Variants in NCF4 observed in about 807,000 individuals in gnomAD.
NCF4 encodes neutrophil cytosolic factor 4, also known as neutrophil cytosol factor 4.
Under a neutral mutation model 41.7 loss-of-function variants are expected in NCF4, and 30 were observed. The observed-to-expected ratio is 0.72, with a 90% CI of 0.54 to 0.97. The LOEUF is 0.97. Among genes scored for constraint, NCF4 ranks in the 50% least tolerant of loss-of-function variants. NCF4 has a pLI of 0.00. For synonymous variants in NCF4, 195 were observed against 175.8 expected, an observed-to-expected ratio of 1.11 and a Z score of -0.87; for missense variants, 432 against 460.9, an observed-to-expected ratio of 0.94 and a Z score of 0.57.
At chr22:36,867,183 G>C (rs949632499) in intron 3 of NCF4, among the ~76,000 whole-genome samples, 1 of 149,604 alleles carries the variant, frequency 6.7e-6, no homozygotes, top group Non-Finnish European at 1.5e-5. Flanking sequence ...AGTAAGACAA[G>C]AAAAATATCA....
intron 5 of NCF4, among the ~76,000 whole-genome samples, chr22:36,871,404 T>C (rs1940051633): frequency 6.6e-6 from 1 of 152,204 alleles, no homozygotes; most frequent in Non-Finnish European, 1.5e-5. Context: ...GTGTATCCCC[T>C]TCCCCACCTG....
intron 2 of NCF4, among the ~76,000 whole-genome samples, 200 bp from the exon 3 acceptor site, chr22:36,864,719 C>A (rs1230655565): frequency 6.6e-6 from 1 of 150,508 alleles, no homozygotes; most frequent in Non-Finnish European, 1.5e-5. Flanking sequence ...TTTTTCTTTT[C>A]TTTTCTTTTT....
intron 2 of NCF4, 49 bp downstream of exon 2, chr22:36,864,178 C>T (rs1250492333): frequency 6.8e-7 from 1 of 1,469,688 alleles, no homozygotes. Flanking sequence ...AACTTCCACC[C>T]AGCTGACCTC....
Position 36,867,454 on chromosome 22 carries a change from T to C in NCF4, c.334T>C (p.Tyr112His), listed in dbSNP as rs747202725. 6.2e-7 allele frequency: 1 copy of C among 1,614,140 alleles called. No homozygotes were observed. The highest frequency in any genetic ancestry group is 8.5e-7 in the Non-Finnish European group (1 of 1,179,998). Reference sequence around the variant, plus strand: ...GATGCGGATACCTGCCCTCAACGCCTACATGAAGGTACCAGTGGGCCTTGC... The same window carrying C: ...GATGCGGATACCTGCCCTCAACGCCCACATGAAGGTACCAGTGGGCCTTGC... ...AEMRIPALNA[Y>H]MKSLLSLPVW... The change falls in exon 4 of 10, where the codon TAC (tyrosine) becomes CAC (histidine). Residue 112 changes from tyrosine to histidine, a missense_variant. Coordinates refer to ENST00000248899, the MANE Select transcript of NCF4 (RefSeq NM_000631.5).
chr22:36,863,743 A>G (rs549268367), intron 1 of NCF4, among the ~76,000 whole-genome samples: 50 of 139,750 alleles, frequency 3.6e-4, no homozygotes, highest in African/African-American at 1.3e-3. Flanking sequence ...GTGTTAGACT[A>G]TAATTTGGCT....
intron 9 of NCF4, among the ~76,000 whole-genome samples, chr22:36,877,411 A>G (rs1363704888): frequency 6.6e-6 from 1 of 152,136 alleles, no homozygotes; most frequent in Admixed American, 6.5e-5. Context: ...TGCTGGAATT[A>G]TAAGCGTGAG....
At chr22:36,876,149 G>T in intron 9 of NCF4, 55 bp downstream of exon 9, 1 of 1,483,496 alleles carries the variant, frequency 6.7e-7, no homozygotes, top group African/African-American at 1.4e-5. Flanking sequence ...AGAGAGCGCA[G>T]GGAGAAATGT....
In NCF4 at chr22:36,865,114, T is replaced by C; in HGVS notation, c.271+42T>C. Reference sequence around the variant, plus strand: ...GTCCTGCTGCTGCAGAGCTGCTGACTCTCCTTCCTTCCAGGGCCCCTGACA... The same window carrying C: ...GTCCTGCTGCTGCAGAGCTGCTGACCCTCCTTCCTTCCAGGGCCCCTGACA... On this transcript the variant is annotated intron_variant, in intron 3 of 9. Coordinates refer to ENST00000248899, the MANE Select transcript of NCF4 (RefSeq NM_000631.5). The surrounding 1 kb of genome is among the most constrained non-coding windows in gnomAD (Gnocchi z 4.3). 1 of 1,600,792 alleles carries C rather than the reference T, an allele frequency of 6.2e-7. No homozygotes were observed. Among genetic ancestry groups the C allele is most frequent in the Non-Finnish European group, 8.5e-7 (1 of 1,178,942 alleles).
Position 36,871,718 on chromosome 22 carries a change from C to A in NCF4, c.528+9C>A. 6.4e-7 allele frequency: 1 copy of A among 1,557,278 alleles called. No homozygotes were observed. Among genetic ancestry groups the A allele is most frequent in the East Asian group, 2.4e-5 (1 of 41,570 alleles). ...CAGCTCCGAGAGCAGAGGTAACCCC[C>A]GCCCCCACGCTGGCCAGGCTCTCAC... On this transcript the variant is annotated intron_variant, in intron 6 of 9. Transcript: ENST00000248899.
intron 6 of NCF4, chr22:36,872,077 G>A (rs1940070644): frequency 1.4e-6 from 1 of 703,122 alleles, no homozygotes; most frequent in African/African-American, 1.8e-5. Flanking sequence ...TCAGCCCAGA[G>A]AGTTCGAACC....
chr22:36,869,004 T>C (rs1939992909), intron 4 of NCF4, among the ~76,000 whole-genome samples: 1 of 152,182 alleles, frequency 6.6e-6, no homozygotes, highest in Non-Finnish European at 1.5e-5. Context: ...GTGAATCACA[T>C]GATAATGACA....
chr22:36,874,220 T>C (rs1389335621), intron 7 of NCF4, among the ~76,000 whole-genome samples: 1 of 152,242 alleles, frequency 6.6e-6, no homozygotes, highest in Non-Finnish European at 1.5e-5. Flanking sequence ...AGGGCTGTGT[T>C]CTGACTCAGT....
Position 36,870,518 on chromosome 22 carries a change from GGCTCCGCCC to G in NCF4, c.449_457del (p.Leu150_Pro152del), listed in dbSNP as rs754040377. ...GAGCAGGTGCCCCAGGCACTCCGCC[GGCTCCGCCC>G]GCGCACCCGGAAAGTGTAAGTGACC... On this transcript the variant is annotated inframe_deletion, in exon 5 of 10. Transcript: ENST00000248899. 3.1e-6 allele frequency: 5 copies of G among 1,613,060 alleles called. No individual in the cohort carries two copies.
Position 36,867,326 on chromosome 22 carries a change from G to A in NCF4, c.272-66G>A, listed in dbSNP as rs901709655. On this transcript the variant is annotated intron_variant, in intron 3 of 9. Coordinates refer to ENST00000248899, the MANE Select transcript of NCF4 (RefSeq NM_000631.5). ...TCTGGCCAGGGTTCCTGGCCTGTAG[G>A]GGCAGCCCTGAGCCCCGGGGCCATG... 1.8e-5 allele frequency: 28 copies of A among 1,563,072 alleles called. No individual in the cohort carries two copies. In the Admixed American group the frequency reaches 3.7e-4, roughly 21 times the overall value.
In NCF4 at chr22:36,877,481, G is replaced by A. The variant is rs2064092520; in HGVS notation, c.825-147G>A. The A allele has an allele frequency of 6.1e-6, 5 of 816,880 alleles. No homozygotes were observed. The South Asian group carries it at 7.2e-5, about 12-fold the overall frequency. 50.6% of individuals were successfully genotyped at this position (816,880 alleles called of 1,614,324 possible). On this transcript the variant is annotated intron_variant, in intron 9 of 9. Transcript: ENST00000248899. ...CGATATCCCCATCTGTACAATGGGAGGTTAGATTACTTGGATGACACGGGC... is the reference window on the plus strand; with the variant it reads ...CGATATCCCCATCTGTACAATGGGAAGTTAGATTACTTGGATGACACGGGC...
rs532588816 is a variant in NCF4 at position 36,872,537 on chromosome 22, G to C, written c.627+112G>C. 2.1e-3 allele frequency: 1,860 copies of C among 886,254 alleles called. 8 individuals carry two copies. The highest frequency in any genetic ancestry group is 2.8e-3 in the Non-Finnish European group (1,549 of 553,368). The allele number at this position is 886,254 out of a possible 1,614,324, so 54.9% of individuals were successfully genotyped here. A position where few individuals can be genotyped will look rare whatever the true frequency, so the allele number is the denominator to read the frequency against. The stretch of plus-strand genomic sequence containing the variant: ...CAATTGGAGGTGAGGATGAAGGTGA[G>C]GGTGGAGGTGAGATTGGAGGTGAGG... On this transcript the variant is annotated intron_variant, in intron 7 of 9. Coordinates refer to ENST00000248899, the MANE Select transcript of NCF4 (RefSeq NM_000631.5).
At chr22:36,874,744 G>A (rs1200089091) in intron 7 of NCF4, among the ~76,000 whole-genome samples, 1 of 152,204 alleles carries the variant, frequency 6.6e-6, no homozygotes, top group Admixed American at 6.5e-5. Flanking sequence ...AAGATGAACA[G>A]AACACGTGCC....
chr22:36,870,596 G>A, intron 5 of NCF4, 54 bp downstream of exon 5: 3 of 1,596,068 alleles, frequency 1.9e-6, no homozygotes, highest in Non-Finnish European at 2.6e-6. Flanking sequence ...GTCCCTGCTG[G>A]AAAAGCATCT....
At chr22:36,874,585 C>T (rs1039378072) in intron 7 of NCF4, among the ~76,000 whole-genome samples, 3 of 152,156 alleles carry the variant, frequency 2.0e-5, no homozygotes, top group Non-Finnish European at 4.4e-5. Flanking sequence ...TCCTGTTTTC[C>T]GGAAAGTCCT....
Sources: allele counts gnomAD v4.1 joint callset (sites outside exome capture counted in the v4.1 genomes callset), GRCh38; gene constraint gnomAD v4.1.1; non-coding constraint Gnocchi (gnomAD v3.1); transcripts MANE v1.5; gene names NCBI Gene and HGNC (gene_info 2026-07-23, HGNC 2026-07-21).